The following AATK variants were observed in gnomAD, a reference collection of about 807,000 sequenced individuals.
The protein encoded by AATK is serine/threonine-protein kinase LMTK1.
A neutral mutation model predicts 114.3 loss-of-function variants in AATK; 91 were observed. The observed-to-expected ratio is 0.80, with a 90% CI of 0.67 to 0.95. AATK has a LOEUF of 0.95. AATK is among the 40% of genes least tolerant of loss of function. The pLI is 0.00. For synonymous variants in AATK, 1,075 were observed against 916.5 expected, an observed-to-expected ratio of 1.17 and a Z score of -3.12; for missense variants, 2,176 against 1,965.2, an observed-to-expected ratio of 1.11 and a Z score of -2.03.
intron 1 of AATK, among the ~76,000 whole-genome samples, chr17:81,137,399 G>C (rs1305280542): frequency 6.6e-6 from 1 of 152,078 alleles, no homozygotes; most frequent in East Asian, 1.9e-4. Flanking sequence ...GGCAGAGGAG[G>C]GGGGGTTCCC....
At chr17:81,153,332 G>C (rs1362472861) in intron 1 of AATK, among the ~76,000 whole-genome samples, 1 of 152,342 alleles carries the variant, frequency 6.6e-6, no homozygotes, top group South Asian at 2.1e-4. Context: ...AACCATGACA[G>C]ATTTGGAATT....
Position 81,120,814 on chromosome 17 carries a change from GGCCTGAGACAGACCT to G in AATK, c.3107_3121del (p.Gln1036_Arg1040del). ...GCCTTGTGCCTCCCCGGAAACCCCA[GGCCTGAGACAGACCT>G]GCTCAGACGGCTGCCCAGTGCTCGG... On this transcript the variant is annotated inframe_deletion, in exon 11 of 14. Coordinates refer to ENST00000326724, the MANE Select transcript of AATK (RefSeq NM_001080395.3). 6.4e-7 allele frequency: 1 copy of G among 1,574,528 alleles called. No homozygotes were observed. The highest frequency in any genetic ancestry group is 1.3e-5 in the African/African-American group (1 of 74,130).
chr17:81,121,212 G>C lies in AATK; in HGVS notation c.2724C>G (p.Ile908Met), dbSNP rs1437002426. 2 of 1,605,184 alleles carry C rather than the reference G, an allele frequency of 1.2e-6. No individual in the cohort carries two copies. The highest frequency in any genetic ancestry group is 2.2e-5 in the South Asian group (2 of 89,672). The change falls in exon 11 of 14, where the codon ATC becomes ATG. Residue 908 changes from isoleucine (I) to methionine (M), a missense_variant. Around this residue, in one of 4 missense-constraint regions of AATK, gnomAD observed 1,701 missense variants for 1,394.7 expected, o/e 1.22. Coordinates refer to ENST00000326724, the MANE Select transcript of AATK (RefSeq NM_001080395.3). The stretch of plus-strand genomic sequence containing the variant: ...AGCCACCATCACTGGCTGAGGACGG[G>C]ATGTCCAGGGAGTCCAGGGAGTCGG... ...GTPDSLDSLDIPSSASDGGYE... is the reference protein window; with the variant it reads ...GTPDSLDSLDMPSSASDGGYE...
chr17:81,124,912 C>T lies in AATK; in HGVS notation c.840+18G>A. On this transcript the variant is annotated intron_variant, in intron 8 of 13. Coordinates refer to ENST00000326724, the MANE Select transcript of AATK (RefSeq NM_001080395.3). ...CCCTGCCCCTCATGCCCAGCCCAGC[C>T]CACCCCACCCCACTCACTCTGTACT... 6.4e-7 allele frequency: 1 copy of T among 1,560,130 alleles called. No homozygotes were observed. The highest frequency in any genetic ancestry group is 8.7e-7 in the Non-Finnish European group (1 of 1,151,166).
Position 81,131,215 on chromosome 17 carries a change from G to A in AATK, c.190-10C>T, listed in dbSNP as rs773338299. On this transcript the variant is annotated splice_polypyrimidine_tract_variant and intron_variant, in intron 2 of 13. Transcript: ENST00000326724. ...CCGCATTCTCAAACTCCTGCGGGCCGGGCCGGGCATGAGCGGGGCTTCTCG... is the reference window on the plus strand; with the variant it reads ...CCGCATTCTCAAACTCCTGCGGGCCAGGCCGGGCATGAGCGGGGCTTCTCG... 2.0e-5 allele frequency: 32 copies of A among 1,566,786 alleles called. 1 individual carries two copies. The highest frequency in any genetic ancestry group is 9.3e-5 in the South Asian group (8 of 86,000).
intron 2 of AATK, among the ~76,000 whole-genome samples, chr17:81,131,582 C>T (rs2060932706): frequency 6.6e-6 from 1 of 152,142 alleles, no homozygotes; most frequent in African/African-American, 2.4e-5. Context: ...CAGGCTGAGC[C>T]CCACCTTGGG....
intron 1 of AATK, among the ~76,000 whole-genome samples, chr17:81,146,336 G>T (rs1456455468): frequency 6.6e-6 from 1 of 151,746 alleles, no homozygotes; most frequent in Non-Finnish European, 1.5e-5. Flanking sequence ...ACCGCAGCCT[G>T]GGTGACAGAG....
chr17:81,119,982 C>A lies in AATK; in HGVS notation c.3837G>T (p.Arg1279=). ...GSPGSPSAPN[R]PQQADGSPNG... ...TTGGGGAGCCATCAGCCTGCTGCGG[C>A]CGGTTGGGGGCGCTGGGAGAGCCGG... Residue 1279 remains arginine (R), a synonymous_variant, in exon 12 of 14, where the codon CGG becomes CGT. Coordinates refer to ENST00000326724, the MANE Select transcript of AATK (RefSeq NM_001080395.3). 1 of 1,448,542 alleles carries A rather than the reference C, an allele frequency of 6.9e-7. No individual in the cohort carries two copies. Among genetic ancestry groups the A allele is most frequent in the Non-Finnish European group, 9.1e-7 (1 of 1,100,784 alleles). 89.7% of individuals were successfully genotyped at this position (1,448,542 alleles called of 1,614,324 possible).
At position 81,118,416 on chromosome 17, in the gene AATK, T is replaced by G; in HGVS notation, c.4111A>C (p.Ser1371Arg). 1 of 1,608,804 alleles carries G rather than the reference T, an allele frequency of 6.2e-7. No individual in the cohort carries two copies. The highest frequency in any genetic ancestry group is 8.5e-7 in the Non-Finnish European group (1 of 1,178,336). The part of the protein sequence containing the change: ...RGPEAGAGGE[S>R]KEA ...CTGCCCAGGTCTCAAGCCTCTTTAC[T>G]CTCACCCCCGGCACCAGCTTCAGGT... Residue 1371 changes from serine to arginine, a missense_variant, in exon 14 of 14, where the codon AGT becomes CGT. Around this residue, in one of 4 missense-constraint regions of AATK, gnomAD observed 1,701 missense variants for 1,394.7 expected, o/e 1.22. Transcript: ENST00000326724.
chr17:81,122,451 G>T lies in AATK; in HGVS notation c.1485C>A (p.Ser495Arg). The change falls in exon 11 of 14, where the codon AGC becomes AGA. Residue 495 changes from serine (S) to arginine (R), a missense_variant. Coordinates refer to ENST00000326724, the MANE Select transcript of AATK (RefSeq NM_001080395.3). The stretch of plus-strand genomic sequence containing the variant: ...CCTGCAGGCGTGCGGTGCGGCCAGG[G>T]CTCAGCGTGGCCGGGAAGGCCTCCG... ...RGAEAFPATL[S>R]PGRTARLQEL... is the part of the protein sequence containing the mutation. 6.9e-7 allele frequency: 1 copy of T among 1,453,312 alleles called. No individual in the cohort carries two copies. The allele number at this position is 1,453,312 out of a possible 1,614,324, so 90.0% of individuals were successfully genotyped here.
Position 81,119,995 on chromosome 17 carries a change from C to A in AATK, c.3824G>T (p.Ser1275Ile). 6.9e-7 allele frequency: 1 copy of A among 1,445,984 alleles called. No individual in the cohort carries two copies. Among genetic ancestry groups the A allele is most frequent in the Non-Finnish European group, 9.1e-7 (1 of 1,099,004 alleles). 89.6% of individuals were successfully genotyped at this position (1,445,984 alleles called of 1,614,324 possible). Residue 1275 changes from serine to isoleucine, a missense_variant, in exon 12 of 14, where the codon AGC (serine) becomes ATC (isoleucine). This residue lies in a region of AATK where 1,701 missense variants were observed against 1,394.7 expected (regional missense o/e 1.22). Coordinates refer to ENST00000326724, the MANE Select transcript of AATK (RefSeq NM_001080395.3). ...TFLRGSPGSP[S>I]APNRPQQADG... ...AGCCTGCTGCGGCCGGTTGGGGGCG[C>A]TGGGAGAGCCGGGGCTCCCCCTAAG...
At chr17:81,152,139 G>T (rs553190070) in intron 1 of AATK, among the ~76,000 whole-genome samples, 2 of 152,174 alleles carry the variant, frequency 1.3e-5, no homozygotes, top group African/African-American at 2.4e-5. Context: ...TTAGCAGGGC[G>T]TGGTGGCACT....
chr17:81,126,458 G>C lies in AATK; in HGVS notation c.724C>G (p.Leu242Val). The C allele has an allele frequency of 6.4e-7, 1 of 1,560,678 alleles. No homozygotes were observed. The highest frequency in any genetic ancestry group is 1.4e-5 in the African/African-American group (1 of 73,600). ...RMACEVACGV[L>V]HLHRNNFVHS... ...ACGAAATTGTTGCGATGAAGGTGCA[G>C]GACGCCACAGGCCACCTCACAGGCC... Residue 242 changes from leucine to valine, a missense_variant, in exon 7 of 14, where the codon CTG (leucine) becomes GTG (valine). Around this residue, in one of 4 missense-constraint regions of AATK, gnomAD observed 273 missense variants for 344.1 expected, o/e 0.79. Transcript: ENST00000326724. The surrounding 1 kb of genome is among the most constrained non-coding windows in gnomAD (Gnocchi z 5.1).
Position 81,127,575 on chromosome 17 carries a change from C to T in AATK, c.621+8G>A, listed in dbSNP as rs890905290. The stretch of plus-strand genomic sequence containing the variant: ...AAGACCCCAGCATCCCCCCGGGCAG[C>T]AGCTCACCAGTGGGCAGAACTCCAT... On this transcript the variant is annotated splice_region_variant and intron_variant, in intron 6 of 13. Coordinates refer to ENST00000326724, the MANE Select transcript of AATK (RefSeq NM_001080395.3). 1.3e-6 allele frequency: 2 copies of T among 1,590,770 alleles called. No homozygotes were observed. Among genetic ancestry groups the T allele is most frequent in the Non-Finnish European group, 1.7e-6 (2 of 1,169,500 alleles).
At chr17:81,159,224 G>A (rs980150714) in intron 1 of AATK, among the ~76,000 whole-genome samples, 1 of 152,202 alleles carries the variant, frequency 6.6e-6, no homozygotes, top group African/African-American at 2.4e-5. Context: ...TCTCAGTAAA[G>A]GGGCCCTCAC....
At chr17:81,128,350 G>C in intron 4 of AATK, 120 bp downstream of exon 4, 1 of 1,249,594 alleles carries the variant, frequency 8.0e-7, no homozygotes, top group Non-Finnish European at 1.1e-6. Flanking sequence ...GTCCAGCAGG[G>C]CCCAGAGACT....
intron 9 of AATK, among the ~76,000 whole-genome samples, chr17:81,124,438 C>T (rs116041415): frequency 1.3e-3 from 193 of 152,316 alleles, no homozygotes; most frequent in African/African-American, 4.5e-3. Flanking sequence ...GGGACAGGTA[C>T]TCACCAAGGC....
In AATK at chr17:81,126,736, C is replaced by T. The variant is rs562409805; in HGVS notation, c.622-176G>A. 6.2e-5 allele frequency: 88 copies of T among 1,416,412 alleles called. No homozygotes were observed. In the African/African-American group the frequency reaches 1.0e-3, roughly 16 times the overall value. 87.7% of individuals were successfully genotyped at this position (1,416,412 alleles called of 1,614,324 possible). On this transcript the variant is annotated intron_variant, in intron 6 of 13. Coordinates refer to ENST00000326724, the MANE Select transcript of AATK (RefSeq NM_001080395.3). The surrounding 1 kb of genome is among the most constrained non-coding windows in gnomAD (Gnocchi z 5.1). ...CACCCAGCAGTTCCTGGAGGGGGGC[C>T]GTGTCCCCCAGGGCTGGGCTGGACT...
intron 1 of AATK, among the ~76,000 whole-genome samples, chr17:81,140,795 G>C (rs1175848021): frequency 7.9e-6 from 1 of 126,922 alleles, no homozygotes; most frequent in Non-Finnish European, 1.6e-5. Flanking sequence ...CCGTGGGGCC[G>C]TGAGACCGTG....
Sources: allele counts gnomAD v4.1 joint callset (sites outside exome capture counted in the v4.1 genomes callset), GRCh38; gene constraint gnomAD v4.1.1; regional missense constraint gnomAD v4.1.1; non-coding constraint Gnocchi (gnomAD v3.1); transcripts MANE v1.5; gene names NCBI Gene and HGNC (gene_info 2026-07-23, HGNC 2026-07-21).